The following KAT6A variants were observed in gnomAD, a reference collection of about 807,000 sequenced individuals.
KAT6A encodes lysine acetyltransferase 6A.
KAT6A carries 9 observed loss-of-function variants against 198.4 expected under a neutral mutation model. That is an observed-to-expected ratio of 0.05 (90% CI 0.03 to 0.08). KAT6A has a LOEUF of 0.08. Among genes scored for constraint, KAT6A ranks in the 10% least tolerant of loss-of-function variants. KAT6A has a pLI of 1.00. For missense variants in KAT6A, 2,077 were observed against 2,509.9 expected (o/e 0.83, Z 3.69); for synonymous variants, 890 against 883.0 (o/e 1.01, Z -0.14).
At chr8:41,942,670 T>C in intron 14 of KAT6A, 123 bp downstream of exon 14, 1 of 1,099,352 alleles carries the variant, frequency 9.1e-7, no homozygotes, top group Middle Eastern at 2.3e-4. Flanking sequence ...GAAATAAAAC[T>C]CTTGACATTC....
intron 2 of KAT6A, among the ~76,000 whole-genome samples, chr8:42,033,228 ATGTGTTCCTGGCCCT>A (rs1314722328): frequency 2.6e-5 from 4 of 152,154 alleles, no homozygotes; most frequent in South Asian, 2.1e-4. Context: ...GTCACCACTG[ATGTGTTCCTGGCCCT>A]GTGGAATAAT....
intron 2 of KAT6A, among the ~76,000 whole-genome samples, chr8:42,021,547 T>C (rs953843229): frequency 6.6e-6 from 1 of 152,160 alleles, no homozygotes; most frequent in South Asian, 2.1e-4. Context: ...AAAGATCAAA[T>C]AACAAGTAAA....
rs116973469 is a variant in KAT6A at position 42,021,188 on chromosome 8, G to A, written c.600+27190C>T. ...TCCTAATTTAAATAGATTATAAAAC[G>A]TGACAAATGGTTTTATGTTATCTGT... is the stretch of plus-strand genomic sequence containing the variant. On this transcript the variant is annotated intron_variant, in intron 2 of 16. Transcript: ENST00000265713. Among the ~76,000 whole-genome samples, 128 of 152,078 alleles carry A rather than the reference G, an allele frequency of 8.4e-4. 1 individual carries two copies. The East Asian group carries it at 0.018, about 21-fold the overall frequency.
chr8:42,022,920 T>C (rs995673031), intron 2 of KAT6A, among the ~76,000 whole-genome samples: 1 of 152,212 alleles, frequency 6.6e-6, no homozygotes, highest in Non-Finnish European at 1.5e-5. Context: ...CGCTTAATGA[T>C]GGGGATTCAT....
chr8:41,956,026 TTC>T (rs746516979), intron 8 of KAT6A, among the ~76,000 whole-genome samples: 1 of 152,224 alleles, frequency 6.6e-6, no homozygotes, highest in Non-Finnish European at 1.5e-5. Context: ...TATACAGACC[TTC>T]TCTTTTTTCT....
At chr8:41,993,004 CA>C (rs11446895) in intron 2 of KAT6A, among the ~76,000 whole-genome samples, 1 of 151,598 alleles carries the variant, frequency 6.6e-6, no homozygotes, top group African/African-American at 2.4e-5. Flanking sequence ...TTTCTAACTG[CA>C]AAAAAAATGG....
At chr8:41,976,904 A>G in intron 7 of KAT6A, 104 bp downstream of exon 7, 1 of 955,832 alleles carries the variant, frequency 1.0e-6, no homozygotes, top group Non-Finnish European at 1.5e-6. Context: ...TTCTATAACC[A>G]ATTGTTAATA....
chr8:41,967,686 C>T (rs1468394701), intron 8 of KAT6A, among the ~76,000 whole-genome samples: 1 of 152,014 alleles, frequency 6.6e-6, no homozygotes, highest in Non-Finnish European at 1.5e-5. Context: ...TTTCTTAACC[C>T]GGTCTATCAT....
intron 2 of KAT6A, among the ~76,000 whole-genome samples, chr8:42,019,379 C>T (rs920044580): frequency 5.9e-5 from 9 of 152,222 alleles, no homozygotes; most frequent in Admixed American, 3.3e-4. Context: ...GTGCCAGGAA[C>T]ATTTTTTTCC....
At chr8:41,972,844 G>A (rs1823864102) in intron 8 of KAT6A, among the ~76,000 whole-genome samples, 1 of 152,124 alleles carries the variant, frequency 6.6e-6, no homozygotes, top group African/African-American at 2.4e-5. Context: ...ACTTACTCGG[G>A]AGGAGAAAAA....
intron 11 of KAT6A, 82 bp downstream of exon 11, chr8:41,947,669 G>C: frequency 1.7e-6 from 2 of 1,148,608 alleles, no homozygotes; most frequent in Non-Finnish European, 2.5e-6. Context: ...GCTGCATCTT[G>C]TTGTGTCCCC....
chr8:42,016,031 G>C (rs1271817966), intron 2 of KAT6A, among the ~76,000 whole-genome samples: 1 of 152,148 alleles, frequency 6.6e-6, no homozygotes, highest in Non-Finnish European at 1.5e-5. Flanking sequence ...AAGGTACCAG[G>C]ACATCAGAGC....
At chr8:41,979,158 C>T (rs1438774005) in intron 5 of KAT6A, among the ~76,000 whole-genome samples, 1 of 152,000 alleles carries the variant, frequency 6.6e-6, no homozygotes, top group African/African-American at 2.4e-5. Flanking sequence ...GTCCCAGCTA[C>T]TCGGGAGGCT....
chr8:41,951,683 G>A (rs1281821852), intron 9 of KAT6A, among the ~76,000 whole-genome samples: 1 of 152,192 alleles, frequency 6.6e-6, no homozygotes, highest in Non-Finnish European at 1.5e-5. Context: ...GGGCTGTGCT[G>A]CAGCTGGGCA....
intron 9 of KAT6A, among the ~76,000 whole-genome samples, chr8:41,950,240 A>C (rs1754991094): frequency 6.6e-6 from 1 of 152,168 alleles, no homozygotes; most frequent in Non-Finnish European, 1.5e-5. Context: ...CCACTAGATA[A>C]AGAGGTTTTT....
intron 15 of KAT6A, 36 bp downstream of exon 15, chr8:41,940,806 T>C (rs771345112): frequency 3.2e-6 from 5 of 1,575,852 alleles, no homozygotes; most frequent in South Asian, 1.1e-5. Flanking sequence ...TAAACTGGAA[T>C]TGGAGGAAGA....
intron 13 of KAT6A, among the ~76,000 whole-genome samples, 175 bp downstream of exon 13, chr8:41,943,573 G>A (rs1429827179): frequency 6.6e-6 from 1 of 151,954 alleles, no homozygotes; most frequent in African/African-American, 2.4e-5. Context: ...ACTATATATA[G>A]ACCATATATA....
intron 13 of KAT6A, among the ~76,000 whole-genome samples, chr8:41,943,268 T>C (rs116237284): frequency 7.9e-4 from 120 of 152,348 alleles, no homozygotes; most frequent in African/African-American, 2.8e-3. Flanking sequence ...GCTGCTCTTC[T>C]GCACTCTCTT....
intron 15 of KAT6A, 141 bp from the exon 16 acceptor site, chr8:41,937,709 T>C: frequency 1.6e-6 from 1 of 628,334 alleles, no homozygotes; most frequent in Non-Finnish European, 2.7e-6. Flanking sequence ...TGAATATTAT[T>C]TCAAAATACT....
Sources: allele counts gnomAD v4.1 joint callset (sites outside exome capture counted in the v4.1 genomes callset), GRCh38; gene constraint gnomAD v4.1.1; transcripts MANE v1.5; gene names NCBI Gene and HGNC (gene_info 2026-07-23, HGNC 2026-07-21).